Variants in CD2BP2 observed in about 807,000 individuals in gnomAD.
CD2BP2 encodes the protein CD2 cytoplasmic tail binding protein 2, also known as CD2 antigen cytoplasmic tail-binding protein 2.
Under a neutral mutation model 35.9 loss-of-function variants are expected in CD2BP2, and 27 were observed. That is an observed-to-expected ratio of 0.75 (90% CI 0.55 to 1.04). The LOEUF is 1.04. CD2BP2 is among the 50% of genes least tolerant of loss of function. The pLI is 0.00. For missense variants in CD2BP2, 497 were observed against 444.3 expected (o/e 1.12, Z -1.07); for synonymous variants, 213 against 173.5 (o/e 1.23, Z -1.79).
rs780325625 is a variant in CD2BP2, at chr16:30,353,193, G to A, written c.903C>T (p.Ser301=). The A allele has an allele frequency of 8.7e-6, 14 of 1,613,164 alleles. No homozygotes were observed. Among genetic ancestry groups the A allele is most frequent in the African/African-American group, 2.7e-5 (2 of 74,892 alleles). ...GAAAGCAGCTCACCTGCATCTGGGC[G>A]CTGGTGAAGGGCCCATACAGCTCGG... ...GDAELYGPFT[S]AQMQTWVSEG... The change falls in exon 6 of 7, where the codon AGC becomes AGT. Residue 301 remains serine (S), a synonymous_variant. Coordinates refer to ENST00000305596, the MANE Select transcript of CD2BP2 (RefSeq NM_006110.3).
Position 30,354,294 on chromosome 16 carries a change from C to T in CD2BP2, c.107G>A (p.Gly36Asp), listed in dbSNP as rs771077939. The stretch of plus-strand genomic sequence containing the variant: ...TTTGCCTTTAAAGCGGCTCCCAGGA[C>T]CCCCTGACCCAGCCACAGGGTCCAC... Reference protein sequence around the residue: ...KLVDPVAGSGGPGSRFKGKHS... With the variant: ...KLVDPVAGSGDPGSRFKGKHS... Residue 36 changes from glycine to aspartate, a missense_variant, in exon 3 of 7, where the codon GGT becomes GAT. Gly to Asp is a moderately conservative substitution (Grantham distance 94, BLOSUM62 -1). Transcript: ENST00000305596. 6.2e-7 allele frequency: 1 copy of T among 1,613,832 alleles called. No individual in the cohort carries two copies. Among genetic ancestry groups the T allele is most frequent in the Non-Finnish European group, 8.5e-7 (1 of 1,179,942 alleles).
chr16:30,353,565 C>G lies in CD2BP2; in HGVS notation c.611G>C (p.Gly204Ala). Residue 204 changes from glycine (G) to alanine (A), a missense_variant, in exon 5 of 7, where the codon GGG (glycine) becomes GCG (alanine). Transcript: ENST00000305596. ...CCGGGCCACCATCTGGTCGGCCAAC[C>G]CGGAGAGCCGGTCCAGGCGCTGAGG... Reference protein sequence around the residue: ...SSPQRLDRLSGLADQMVARGN... With the variant: ...SSPQRLDRLSALADQMVARGN... The G allele has an allele frequency of 6.2e-7, 1 of 1,614,188 alleles. No homozygotes were observed. The highest frequency in any genetic ancestry group is 8.5e-7 in the Non-Finnish European group (1 of 1,180,022).
Position 30,353,007 on chromosome 16 carries a change from A to T in CD2BP2, c.1004T>A (p.Ile335Asn), listed in dbSNP as rs1272129863. The T allele has an allele frequency of 6.2e-7, 1 of 1,613,140 alleles. No individual in the cohort carries two copies. Among genetic ancestry groups the T allele is most frequent in the Admixed American group, 1.7e-5 (1 of 60,020 alleles). ...PGGQFYNSKR[I>N]DFDLYT Reference sequence around the variant, plus strand: ...GGCTCAGGTGTAGAGGTCAAAGTCAATGCGTTTGGAGTTGTAGAACTGACC... The same window carrying T: ...GGCTCAGGTGTAGAGGTCAAAGTCATTGCGTTTGGAGTTGTAGAACTGACC... Residue 335 changes from isoleucine (I) to asparagine (N), a missense_variant, in exon 7 of 7, where the codon ATT becomes AAT. By Grantham distance (149) the Ile-to-Asn change is moderately radical (BLOSUM62 -3). Coordinates refer to ENST00000305596, the MANE Select transcript of CD2BP2 (RefSeq NM_006110.3).
Position 30,353,224 on chromosome 16 carries a change from C to T in CD2BP2, c.872G>A (p.Gly291Glu), listed in dbSNP as rs2049498839. ...GAAGGGCCCATACAGCTCGGCATCC[C>T]CCGTGTTCTCCCACTTATATTCCCA... ...VMWEYKWENT[G>E]DAELYGPFTS... The change falls in exon 6 of 7, where the codon GGG becomes GAG. Residue 291 changes from glycine to glutamate, a missense_variant. Gly to Glu is a moderately conservative substitution (Grantham distance 98, BLOSUM62 -2). Coordinates refer to ENST00000305596, the MANE Select transcript of CD2BP2 (RefSeq NM_006110.3). 6.2e-7 allele frequency: 1 copy of T among 1,614,064 alleles called. No individual in the cohort carries two copies. The highest frequency in any genetic ancestry group is 1.3e-5 in the African/African-American group (1 of 74,904).
chr16:30,353,091 C>T lies in CD2BP2; in HGVS notation c.920G>A (p.Trp307Ter). The change falls in exon 7 of 7, where the codon TGG becomes TAG. Residue 307 changes from tryptophan to a stop codon, truncating the protein, a stop_gained. Transcript: ENST00000305596. LOFTEE classifies it high-confidence loss of function. The part of the protein sequence containing the change: ...GPFTSAQMQT[W>*]VSEGYFPDGV... Reference sequence around the variant, plus strand: ...GTCCGGGAAGTAGCCTTCACTCACCCAGGTCTGCAAGGAGAGGGCAGAGCT... The same window carrying T: ...GTCCGGGAAGTAGCCTTCACTCACCTAGGTCTGCAAGGAGAGGGCAGAGCT... 6.2e-7 allele frequency: 1 copy of T among 1,613,782 alleles called. No homozygotes were observed. Among genetic ancestry groups the T allele is most frequent in the Non-Finnish European group, 8.5e-7 (1 of 1,179,710 alleles).
chr16:30,353,315 C>G (rs777645377), intron 5 of CD2BP2, 28 bp from the exon 6 acceptor site: 2 of 1,613,442 alleles, frequency 1.2e-6, no homozygotes, highest in South Asian at 2.2e-5. Context: ...GCCATTTGGC[C>G]TCCAGTGTCT....
In CD2BP2 at chr16:30,354,601, C is replaced by T. The variant is rs1338560552; in HGVS notation, c.78+3G>A. 6 of 1,613,478 alleles carry T rather than the reference C, an allele frequency of 3.7e-6. No individual in the cohort carries two copies. The highest frequency in any genetic ancestry group is 5.1e-6 in the Non-Finnish European group (6 of 1,179,578). Reference sequence around the variant, plus strand: ...CCCACACAAAGCAGTCTGGCCCCCTCACCTTCTTCTTGGGGACAATGATTT... The same window carrying T: ...CCCACACAAAGCAGTCTGGCCCCCTTACCTTCTTCTTGGGGACAATGATTT... On this transcript the variant is annotated splice_donor_region_variant and intron_variant, in intron 2 of 6. Transcript: ENST00000305596.
intron 6 of CD2BP2, 43 bp from the exon 7 acceptor site, chr16:30,353,138 G>C (rs1360370608): frequency 1.2e-6 from 2 of 1,606,910 alleles, no homozygotes; most frequent in African/African-American, 2.7e-5. Context: ...GACAGGAGTG[G>C]GGGAAGCAGG....
intron 1 of CD2BP2, 60 bp from the exon 2 acceptor site, chr16:30,354,767 G>A (rs1025072364): frequency 2.6e-6 from 3 of 1,148,894 alleles, no homozygotes; most frequent in Admixed American, 3.4e-5. Flanking sequence ...AACAGACGCA[G>A]CACAGCAAAC....
Position 30,351,927 on chromosome 16 carries a change from A to G in CD2BP2, c.*1058T>C, listed in dbSNP as rs2049485165. 1 of 152,466 alleles carries G rather than the reference A, an allele frequency of 6.6e-6. No homozygotes were observed. The highest frequency in any genetic ancestry group is 2.4e-5 in the African/African-American group (1 of 41,478). The allele number at this position is 152,466 out of a possible 1,614,324, so 9.4% of individuals were successfully genotyped here. On this transcript the variant is annotated 3_prime_UTR_variant, in exon 7 of 7. Coordinates refer to ENST00000305596, the MANE Select transcript of CD2BP2 (RefSeq NM_006110.3). ...AGCTCCCCAGGAGACTCCAAGGGGCAGCCAGAGTGCAAAACCGGAAGAAAC... is the reference window on the plus strand; with the variant it reads ...AGCTCCCCAGGAGACTCCAAGGGGCGGCCAGAGTGCAAAACCGGAAGAAAC...
Position 30,353,907 on chromosome 16 carries a change from A to G in CD2BP2, c.369T>C (p.Ile123=). ...GCCAGCCCCTGGGCCGCACCCAGTC[A>G]ATGTTGTCCAGCCAGCTGTCTCGGA... The part of the protein sequence containing the change: ...AQIRDSWLDN[I]DWVKIRERPP... Residue 123 remains isoleucine, a synonymous_variant, in exon 4 of 7, where the codon ATT becomes ATC. Transcript: ENST00000305596. 6.2e-7 allele frequency: 1 copy of G among 1,613,938 alleles called. No homozygotes were observed. The highest frequency in any genetic ancestry group is 8.5e-7 in the Non-Finnish European group (1 of 1,179,964).
In CD2BP2 at chr16:30,353,521, G is replaced by A. The variant is rs771341538; in HGVS notation, c.655C>T (p.Gln219Ter). ...ATAGCCAACCGTTCCCTTGTTTCCT[G>A]GTACACACCAAGGTTGCCCCGGGCC... ...MVARGNLGVY[Q>*]ETRERLAMRL... is the part of the protein sequence containing the mutation. Residue 219 changes from glutamine (Q) to a stop codon, truncating the protein, a stop_gained, in exon 5 of 7, where the codon CAG becomes TAG. Transcript: ENST00000305596. LOFTEE classifies it high-confidence loss of function. The A allele has an allele frequency of 6.2e-7, 1 of 1,614,166 alleles. No homozygotes were observed. Among genetic ancestry groups the A allele is most frequent in the Non-Finnish European group, 8.5e-7 (1 of 1,180,026 alleles).
chr16:30,354,781 T>A (rs572994100), intron 1 of CD2BP2, 74 bp from the exon 2 acceptor site: 1 of 1,049,214 alleles, frequency 9.5e-7, no homozygotes, highest in Admixed American at 1.7e-5. Flanking sequence ...AGCAAACATT[T>A]TTCCTGGTCT....
intron 1 of CD2BP2, chr16:30,354,952 G>A (rs1258069951): frequency 8.8e-6 from 4 of 452,980 alleles, no homozygotes; most frequent in African/African-American, 2.0e-5. Context: ...GCTGAAAGGA[G>A]ACAGGCTTCA....
In CD2BP2 at chr16:30,352,947, A is replaced by C. The variant is rs1275431131; in HGVS notation, c.*38T>G. 6.7e-6 allele frequency: 9 copies of C among 1,341,646 alleles called. No individual in the cohort carries two copies. In the African/African-American group the frequency reaches 1.3e-4, roughly 19 times the overall value. The allele number at this position is 1,341,646 out of a possible 1,614,324, so 83.1% of individuals were successfully genotyped here. ...ACTTGGTGCCTCCTCCACAAAGTCC[A>C]GGAAAGAAGGGCCCACCAAACTGGG... On this transcript the variant is annotated 3_prime_UTR_variant, in exon 7 of 7. Coordinates refer to ENST00000305596, the MANE Select transcript of CD2BP2 (RefSeq NM_006110.3).
rs2049480985 is a variant in CD2BP2 at position 30,351,463 on chromosome 16, C to T, written c.*1522G>A. The T allele has an allele frequency of 6.6e-6, 1 of 152,236 alleles. No individual in the cohort carries two copies. The allele number at this position is 152,236 out of a possible 1,614,324, so 9.4% of individuals were successfully genotyped here. A position where few individuals can be genotyped will look rare whatever the true frequency, so the allele number is the denominator to read the frequency against. On this transcript the variant is annotated 3_prime_UTR_variant, in exon 7 of 7. Transcript: ENST00000305596. The stretch of plus-strand genomic sequence containing the variant: ...GCATCTTACTGTGTCACCGGCAGGC[C>T]TCTTCTTTCTTAGTGACGTTTAAAG...
Position 30,353,229 on chromosome 16 carries a change from G to T in CD2BP2, c.867C>A (p.Asn289Lys), listed in dbSNP as rs2049498978. ...GCCCATACAGCTCGGCATCCCCCGT[G>T]TTCTCCCACTTATATTCCCACATCA... ...VDVMWEYKWE[N>K]TGDAELYGPF... The change falls in exon 6 of 7, where the codon AAC becomes AAA. Residue 289 changes from asparagine to lysine, a missense_variant. By Grantham distance (94) the Asn-to-Lys change is moderately conservative (BLOSUM62 0). Coordinates refer to ENST00000305596, the MANE Select transcript of CD2BP2 (RefSeq NM_006110.3). The T allele has an allele frequency of 6.2e-7, 1 of 1,614,102 alleles. No individual in the cohort carries two copies. The highest frequency in any genetic ancestry group is 8.5e-7 in the Non-Finnish European group (1 of 1,179,998).
rs1304471426 is a variant in CD2BP2 at position 30,353,235 on chromosome 16, C to T, written c.861G>A (p.Trp287Ter). 2 of 1,614,058 alleles carry T rather than the reference C, an allele frequency of 1.2e-6. No homozygotes were observed. The highest frequency in any genetic ancestry group is 1.7e-6 in the Non-Finnish European group (2 of 1,180,026). The change falls in exon 6 of 7, where the codon TGG becomes TGA. Residue 287 changes from tryptophan to a stop codon, truncating the protein, a stop_gained. Coordinates refer to ENST00000305596, the MANE Select transcript of CD2BP2 (RefSeq NM_006110.3). LOFTEE classifies it high-confidence loss of function. ...ACAGCTCGGCATCCCCCGTGTTCTC[C>T]CACTTATATTCCCACATCACATCCA... ...GLVDVMWEYK[W>*]ENTGDAELYG...
In CD2BP2 at chr16:30,353,015, G is replaced by A; in HGVS notation, c.996C>T (p.Ser332=). Residue 332 remains serine (S), a synonymous_variant, in exon 7 of 7, where the codon TCC becomes TCT. Transcript: ENST00000305596. ...LDPPGGQFYN[S]KRIDFDLYT ...TGTAGAGGTCAAAGTCAATGCGTTT[G>A]GAGTTGTAGAACTGACCACCAGGGG... The A allele has an allele frequency of 6.2e-7, 1 of 1,613,606 alleles. No individual in the cohort carries two copies.
Sources: allele counts gnomAD v4.1 joint callset, GRCh38; gene constraint gnomAD v4.1.1; transcripts MANE v1.5; gene names NCBI Gene and HGNC (gene_info 2026-07-23, HGNC 2026-07-21).